ESRP1: variants seen among roughly 807,000 people sequenced by gnomAD.
ESRP1 encodes the protein epithelial splicing regulatory protein 1.
ESRP1 carries 33 observed loss-of-function variants against 81.7 expected under a neutral mutation model. That is an observed-to-expected ratio of 0.40 (90% CI 0.31 to 0.54). The LOEUF (loss-of-function observed/expected upper bound fraction) is 0.54, where lower values mean the gene tolerates loss of function less well. Among genes scored for constraint, ESRP1 ranks in the 20% least tolerant of loss-of-function variants. ESRP1 has a pLI of 0.41. For synonymous variants in ESRP1, 320 were observed against 303.3 expected, an observed-to-expected ratio of 1.06 and a Z score of -0.57; for missense variants, 672 against 833.1, an observed-to-expected ratio of 0.81 and a Z score of 2.38.
intron 9 of ESRP1, among the ~76,000 whole-genome samples, chr8:94,667,184 C>CTCCA (rs796131130): frequency 1.9e-3 from 282 of 150,852 alleles, no homozygotes; most frequent in African/African-American, 6.5e-3. Flanking sequence ...TGCCACTGCA[C>CTCCA]TCCAGCCTAG....
chr8:94,675,699 G>C (rs1168853157), intron 12 of ESRP1, among the ~76,000 whole-genome samples: 2 of 152,294 alleles, frequency 1.3e-5, no homozygotes, highest in Middle Eastern at 6.8e-3. Flanking sequence ...GTAAGATAAA[G>C]CATCATGTGT....
At chr8:94,688,307 AG>A (rs1171983441) in intron 13 of ESRP1, 1 of 187,166 alleles carries the variant, frequency 5.3e-6, no homozygotes, top group Admixed American at 5.5e-5. Flanking sequence ...TCAGGTTCTT[AG>A]AAGGCTGTGC....
intron 4 of ESRP1, among the ~76,000 whole-genome samples, chr8:94,660,179 T>C (rs532446683): frequency 2.6e-5 from 4 of 152,342 alleles, no homozygotes; most frequent in African/African-American, 9.6e-5. Flanking sequence ...TGGACTAACA[T>C]AGCTAGAGAG....
intron 12 of ESRP1, among the ~76,000 whole-genome samples, chr8:94,677,993 A>G (rs1168626579): frequency 2.0e-5 from 3 of 152,194 alleles, no homozygotes; most frequent in Non-Finnish European, 2.9e-5. Context: ...AATTTCAGGC[A>G]AAGAACTGTT....
chr8:94,676,893 C>T (rs1808666124), intron 12 of ESRP1, among the ~76,000 whole-genome samples: 1 of 151,918 alleles, frequency 6.6e-6, no homozygotes, highest in African/African-American at 2.4e-5. Context: ...TGGCTTACGC[C>T]TGTAATCCCA....
chr8:94,665,488 G>C (rs983020578), intron 9 of ESRP1, among the ~76,000 whole-genome samples: 1 of 152,020 alleles, frequency 6.6e-6, no homozygotes, highest in Non-Finnish European at 1.5e-5. Context: ...GAAAGGCTAG[G>C]TTTTTTTGTT....
At chr8:94,664,141 T>TTTTTTTTTTTTTTTTTTTTTTTTTTTTTG (rs138058879) in intron 6 of ESRP1, among the ~76,000 whole-genome samples, 1 of 124,590 alleles carries the variant, frequency 8.0e-6, no homozygotes. Context: ...TTTTTTTTTT[T>TTTTTTTTTTTTTTTTTTTTTTTTTTTTTG]GAGAGGGAGT....
At chr8:94,682,119 C>T (rs926375800) in intron 13 of ESRP1, among the ~76,000 whole-genome samples, 1 of 152,100 alleles carries the variant, frequency 6.6e-6, no homozygotes, top group Non-Finnish European at 1.5e-5. Flanking sequence ...TTTAGAAGGG[C>T]TTTCTATTTG....
chr8:94,678,377 G>C lies in ESRP1; in HGVS notation c.1820+6G>C, dbSNP rs1808727582. The stretch of plus-strand genomic sequence containing the variant: ...TACACAGCGTACTATCCCAGGTAAG[G>C]CTCTGACAGAGGTGGAAATGAGGGG... On this transcript the variant is annotated splice_donor_region_variant and intron_variant, in intron 13 of 15. Transcript: ENST00000433389. 6.2e-7 allele frequency: 1 copy of C among 1,608,210 alleles called. No individual in the cohort carries two copies. The highest frequency in any genetic ancestry group is 2.2e-5 in the East Asian group (1 of 44,730).
In ESRP1 at chr8:94,671,455, G is replaced by A. The variant is rs771610274; in HGVS notation, c.1236G>A (p.Val412=). The change falls in exon 11 of 16, where the codon GTG becomes GTA. Residue 412 remains valine (V), a splice_region_variant and synonymous_variant. Coordinates refer to ENST00000433389, the MANE Select transcript of ESRP1 (RefSeq NM_017697.4). Reference sequence around the variant, plus strand: ...CTTCTGTTTTGCTTTGAGTACAGGTGCTGAATCGATTCTCCTCGGCCCCTC... The same window carrying A: ...CTTCTGTTTTGCTTTGAGTACAGGTACTGAATCGATTCTCCTCGGCCCCTC... ...FRSTAAEVQQ[V]LNRFSSAPLI... is the part of the protein sequence containing the mutation. The A allele has an allele frequency of 6.2e-7, 1 of 1,612,152 alleles. No individual in the cohort carries two copies. Among genetic ancestry groups the A allele is most frequent in the Non-Finnish European group, 8.5e-7 (1 of 1,178,988 alleles).
At chr8:94,652,101 T>G (rs1484100753) in intron 4 of ESRP1, among the ~76,000 whole-genome samples, 1 of 150,136 alleles carries the variant, frequency 6.7e-6, no homozygotes, top group African/African-American at 2.5e-5. Flanking sequence ...AATTCTCCTG[T>G]CTCAGCCTCC....
At chr8:94,670,724 C>T (rs757737328) in intron 10 of ESRP1, among the ~76,000 whole-genome samples, 28 of 152,194 alleles carry the variant, frequency 1.8e-4, no homozygotes, top group Non-Finnish European at 2.9e-4. Context: ...TAAAATTCGC[C>T]TAACCTATCA....
chr8:94,684,099 G>A (rs1157415987), intron 13 of ESRP1, among the ~76,000 whole-genome samples: 7 of 151,950 alleles, frequency 4.6e-5, no homozygotes, highest in Admixed American at 2.0e-4. Context: ...TACTAGCCTC[G>A]GCCTCCCTAA....
At chr8:94,700,211 C>T (rs940852925) in intron 15 of ESRP1, among the ~76,000 whole-genome samples, 1 of 152,152 alleles carries the variant, frequency 6.6e-6, no homozygotes, top group East Asian at 1.9e-4. Context: ...TGGTGGCTAC[C>T]GAGATACGTC....
Position 94,684,500 on chromosome 8 carries a change from CT to C in ESRP1, c.1820+6130del, listed in dbSNP as rs1229780303. ...ATGAAAACTGACTTTAGGTTTTACA[CT>C]GGCAAGGATTGAAACAGTATGTCTC... On this transcript the variant is annotated intron_variant, in intron 13 of 15. Coordinates refer to ENST00000433389, the MANE Select transcript of ESRP1 (RefSeq NM_017697.4). Among the ~76,000 whole-genome samples the C allele has an allele frequency of 2.0e-5, 3 of 152,270 alleles. No homozygotes were observed. The East Asian group carries it at 5.8e-4, about 29-fold the overall frequency.
In ESRP1 at chr8:94,678,262, G is replaced by C; in HGVS notation, c.1711G>C (p.Ala571Pro). The C allele has an allele frequency of 1.9e-6, 3 of 1,613,994 alleles. No homozygotes were observed. Among genetic ancestry groups the C allele is most frequent in the Non-Finnish European group, 2.5e-6 (3 of 1,179,894 alleles). Residue 571 changes from alanine (A) to proline (P), a missense_variant, in exon 13 of 16, where the codon GCC becomes CCC. By Grantham distance (27) the Ala-to-Pro change is conservative. Transcript: ENST00000433389. ...APAAVIPTEA[A>P]IYQPSVILNP... is the part of the protein sequence containing the mutation. ...TGCTGCAGTTATTCCTACAGAAGCT[G>C]CCATTTACCAGCCCTCTGTGATTTT... is the stretch of plus-strand genomic sequence containing the variant.
At chr8:94,695,348 CTTTTTTT>C (rs1177357708) in intron 14 of ESRP1, among the ~76,000 whole-genome samples, 174 of 61,178 alleles carry the variant, frequency 2.8e-3, no homozygotes, top group Admixed American at 4.0e-3. Flanking sequence ...CTTTTTCTTT[CTTTTTTT>C]TTTTTTTTTT....
rs1225025597 is a variant in ESRP1, at chr8:94,662,595, G to T, written c.644+40G>T. 791 of 1,204,034 alleles carry T rather than the reference G, an allele frequency of 6.6e-4. 3 individuals carry two copies. The East Asian group carries it at 9.4e-3, about 14-fold the overall frequency. The allele number at this position is 1,204,034 out of a possible 1,614,324, so 74.6% of individuals were successfully genotyped here. ...ACTATTTATTTGAGCTTTTTAACTT[G>T]TTTTTTTTTTTTGTCTGTTTGTTTG... On this transcript the variant is annotated intron_variant, in intron 6 of 15. Transcript: ENST00000433389.
In ESRP1 at chr8:94,706,274, A is replaced by T; in HGVS notation, c.*385A>T. On this transcript the variant is annotated 3_prime_UTR_variant, in exon 16 of 16. Coordinates refer to ENST00000433389, the MANE Select transcript of ESRP1 (RefSeq NM_017697.4). ...AACTCCACCAGTGTCTACCATCTCC[A>T]CCATGAACTCTGTTAAGGAAGCTTC... 3.7e-6 allele frequency: 1 copy of T among 268,216 alleles called. No individual in the cohort carries two copies. 16.6% of individuals were successfully genotyped at this position (268,216 alleles called of 1,614,324 possible). A position where few individuals can be genotyped will look rare whatever the true frequency, so the allele number is the denominator to read the frequency against.
Sources: allele counts gnomAD v4.1 joint callset (sites outside exome capture counted in the v4.1 genomes callset), GRCh38; gene constraint gnomAD v4.1.1; transcripts MANE v1.5; gene names NCBI Gene and HGNC (gene_info 2026-07-23, HGNC 2026-07-21).